Variants in KCNIP4 observed in about 807,000 individuals in gnomAD.
KCNIP4 encodes the protein potassium voltage-gated channel interacting protein 4.
A neutral mutation model predicts 34.0 loss-of-function variants in KCNIP4; 12 were observed. The ratio of observed to expected loss-of-function variants is 0.35; its 90% confidence interval spans 0.23 to 0.57. The LOEUF (loss-of-function observed/expected upper bound fraction) is 0.57. Among genes scored for constraint, KCNIP4 ranks in the 20% least tolerant of loss-of-function variants. The pLI, the probability that KCNIP4 is intolerant of heterozygous loss-of-function variation, is 0.83. For missense variants in KCNIP4, 238 were observed against 311.7 expected (o/e 0.76, Z 1.78); for synonymous variants, 124 against 102.2 (o/e 1.21, Z -1.29).
chr4:21,756,293 C>T lies in KCNIP4; in HGVS notation c.61+192278G>A, dbSNP rs1009444722. Among the ~76,000 whole-genome samples the T allele has an allele frequency of 7.2e-5, 11 of 152,230 alleles. No homozygotes were observed. The East Asian group carries it at 9.7e-4, about 13-fold the overall frequency. ...TCTGTTGGCCGGGCACAGTGGCTTA[C>T]GCCTGTAATCCCACCACTTTGGGAG... On this transcript the variant is annotated intron_variant, in intron 1 of 8. Transcript: ENST00000382152.
At chr4:21,783,852 T>C (rs1719730895) in intron 1 of KCNIP4, among the ~76,000 whole-genome samples, 2 of 151,794 alleles carry the variant, frequency 1.3e-5, no homozygotes, top group East Asian at 1.9e-4. Context: ...GTTTTGCACA[T>C]ATCAACGGAT....
intron 1 of KCNIP4, among the ~76,000 whole-genome samples, chr4:21,322,594 C>T (rs1391067124): frequency 6.6e-6 from 1 of 152,078 alleles, no homozygotes; most frequent in Non-Finnish European, 1.5e-5. Context: ...TTGTAGCTGG[C>T]ACCGGCCTTC....
At chr4:21,015,280 A>T (rs1280868050) in intron 1 of KCNIP4, among the ~76,000 whole-genome samples, 1 of 149,566 alleles carries the variant, frequency 6.7e-6, no homozygotes, top group Non-Finnish European at 1.5e-5. Flanking sequence ...AATGCTAGAA[A>T]TATATATATT....
intron 5 of KCNIP4, among the ~76,000 whole-genome samples, chr4:20,746,523 A>T (rs949034379): frequency 7.4e-5 from 11 of 148,636 alleles, no homozygotes; most frequent in East Asian, 4.0e-4. Context: ...AAGTATAATT[A>T]AAAAAAAAAT....
chr4:21,032,507 T>A (rs1023317378), intron 1 of KCNIP4, among the ~76,000 whole-genome samples: 3 of 152,254 alleles, frequency 2.0e-5, no homozygotes, highest in Non-Finnish European at 1.5e-5. Flanking sequence ...GAATCTGGCA[T>A]TCTTGATGTT....
intron 1 of KCNIP4, among the ~76,000 whole-genome samples, chr4:21,143,292 G>A (rs976030670): frequency 1.3e-5 from 2 of 152,182 alleles, no homozygotes; most frequent in African/African-American, 4.8e-5. Flanking sequence ...GCAAGAGAAG[G>A]ACTCAAAGCT....
rs562968448 is a variant in KCNIP4 at position 21,299,098 on chromosome 4, G to T, written c.62-416389C>A. ...GCGTAAGTGATTACCTATCTCAAAG[G>T]ATTTGGTGAAGATTAAATAAGATAT... On this transcript the variant is annotated intron_variant, in intron 1 of 8. Coordinates refer to ENST00000382152, the MANE Select transcript of KCNIP4 (RefSeq NM_025221.6). Among the ~76,000 whole-genome samples, 10 of 152,070 alleles carry T rather than the reference G, an allele frequency of 6.6e-5. No individual in the cohort carries two copies. The South Asian group carries it at 2.1e-3, about 32-fold the overall frequency.
chr4:20,760,445 C>T (rs1754863106), intron 3 of KCNIP4, among the ~76,000 whole-genome samples: 1 of 152,152 alleles, frequency 6.6e-6, no homozygotes, highest in African/African-American at 2.4e-5. Context: ...AACTTACTTT[C>T]TTTATTCCAG....
At chr4:21,100,011 A>T (rs1747799939) in intron 1 of KCNIP4, among the ~76,000 whole-genome samples, 1 of 152,204 alleles carries the variant, frequency 6.6e-6, no homozygotes, top group Non-Finnish European at 1.5e-5. Flanking sequence ...TGGATGAGCA[A>T]GAAAATTGCC....
rs1434956 is a variant in KCNIP4 at position 20,884,652 on chromosome 4, C to T, written c.62-1943G>A. Among the ~76,000 whole-genome samples, 1,444 of 151,848 alleles carry T rather than the reference C, an allele frequency of 9.5e-3. 21 individuals are homozygous for T. The highest frequency in any genetic ancestry group is 0.034 in the African/African-American group (1,386 of 41,338). ...CCTCCGTGCCAGGATATGTGCTGTT[C>T]CCTCAGTTTTGTCAGCTGTTCACCA... On this transcript the variant is annotated intron_variant, in intron 1 of 8. Transcript: ENST00000382152.
chr4:20,987,191 A>G (rs1331214304), intron 1 of KCNIP4, among the ~76,000 whole-genome samples: 2 of 152,118 alleles, frequency 1.3e-5, no homozygotes, highest in Non-Finnish European at 2.9e-5. Context: ...GGAGTTTGAG[A>G]CCAGTCTGGG....
chr4:20,988,290 A>C lies in KCNIP4; in HGVS notation c.62-105581T>G, dbSNP rs186449554. Among the ~76,000 whole-genome samples the C allele has an allele frequency of 2.9e-4, 44 of 152,294 alleles. No individual in the cohort carries two copies. In the East Asian group the frequency reaches 7.9e-3, roughly 27 times the overall value. On this transcript the variant is annotated intron_variant, in intron 1 of 8. Transcript: ENST00000382152. ...GGTTGAGAGACTCTGAAAGGAAAGT[A>C]TTGACAGAAACTCTTAGGAAAGTAA...
intron 1 of KCNIP4, among the ~76,000 whole-genome samples, chr4:21,379,177 A>G (rs1173022124): frequency 6.6e-6 from 1 of 152,186 alleles, no homozygotes; most frequent in African/African-American, 2.4e-5. Flanking sequence ...ATATTAACCT[A>G]GTTAATTGCT....
chr4:21,712,133 A>T (rs866537842), intron 1 of KCNIP4, among the ~76,000 whole-genome samples: 9 of 105,780 alleles, frequency 8.5e-5, no homozygotes, highest in African/African-American at 2.7e-4. Context: ...TTTTAAAAGT[A>T]TTCAAAACAA....
At chr4:20,793,573 T>C (rs960609190) in intron 3 of KCNIP4, among the ~76,000 whole-genome samples, 22 of 152,162 alleles carry the variant, frequency 1.4e-4, no homozygotes, top group Non-Finnish European at 2.5e-4. Context: ...CCAACCTTTG[T>C]GGCACCAGGG....
chr4:20,993,863 T>G (rs2149709022), intron 1 of KCNIP4, among the ~76,000 whole-genome samples: 1 of 152,344 alleles, frequency 6.6e-6, no homozygotes, highest in East Asian at 1.9e-4. Context: ...CAGGACCACG[T>G]TCCTATTGGA....
chr4:21,048,041 T>G (rs973436248), intron 1 of KCNIP4, among the ~76,000 whole-genome samples: 9 of 152,186 alleles, frequency 5.9e-5, no homozygotes, highest in African/African-American at 2.2e-4. Flanking sequence ...ATTTCTTAAT[T>G]CCCTGACCAA....
At chr4:20,998,206 G>GT (rs1737744413) in intron 1 of KCNIP4, among the ~76,000 whole-genome samples, 2 of 152,104 alleles carry the variant, frequency 1.3e-5, no homozygotes, top group South Asian at 4.1e-4. Flanking sequence ...TAAGTGAGAT[G>GT]TAAGGAGAAC....
At chr4:21,329,913 T>C (rs1715456893) in intron 1 of KCNIP4, among the ~76,000 whole-genome samples, 1 of 152,190 alleles carries the variant, frequency 6.6e-6, no homozygotes, top group African/African-American at 2.4e-5. Context: ...TCTACCAGCT[T>C]GTCAGTATAA....
Sources: gnomAD v4.1 joint callset for allele counts (sites outside exome capture counted in the v4.1 genomes callset) on GRCh38, gnomAD v4.1.1 for gene constraint, MANE v1.5 for transcripts, NCBI Gene and HGNC (gene_info 2026-07-23, HGNC 2026-07-21) for gene names.